Variants in RIGI observed in about 807,000 individuals in gnomAD.
RIGI encodes RNA sensor RIG-I.
chr9:32,466,032 C>T, the RIGI span, among the ~76,000 whole-genome samples: 11 of 152,232 alleles, frequency 7.2e-5, no homozygotes, highest in South Asian at 2.1e-3. Context: ...ATATAGTCCT[C>T]GAGATGAACT....
At chr9:32,493,523 C>CT in the RIGI span, among the ~76,000 whole-genome samples, 92,209 of 151,644 alleles carry the variant, frequency 0.61, 28,274 homozygotes, top group Middle Eastern at 0.68. Context: ...ACTCGAGAGG[C>CT]GAGGCAGGAG....
At chr9:32,516,994 CAA>C in the RIGI span, among the ~76,000 whole-genome samples, 1 of 152,188 alleles carries the variant, frequency 6.6e-6, no homozygotes, top group Non-Finnish European at 1.5e-5. Context: ...TAGAATTCAA[CAA>C]ACAAATATTC....
chr9:32,488,988 T>G, the RIGI span: 1 of 895,374 alleles, frequency 1.1e-6, no homozygotes, highest in Non-Finnish European at 1.6e-6. Context: ...CTGAGCTGAC[T>G]AATTAATTGA....
chr9:32,482,366 T>A, the RIGI span, among the ~76,000 whole-genome samples: 1 of 152,128 alleles, frequency 6.6e-6, no homozygotes, highest in East Asian at 1.9e-4. Flanking sequence ...AATTTACCCA[T>A]AGTCACACAG....
the RIGI span, chr9:32,494,028 T>G: frequency 9.6e-7 from 1 of 1,043,572 alleles, no homozygotes; most frequent in Non-Finnish European, 1.4e-6. Flanking sequence ...CATGTTTGAA[T>G]GTATGGTGGT....
the RIGI span, among the ~76,000 whole-genome samples, chr9:32,491,049 GC>G: frequency 6.6e-6 from 1 of 151,840 alleles, no homozygotes; most frequent in Non-Finnish European, 1.5e-5. Flanking sequence ...ATATAGACAC[GC>G]CCATACTTTC....
chr9:32,508,771 G>C, the RIGI span, among the ~76,000 whole-genome samples: 2 of 152,060 alleles, frequency 1.3e-5, no homozygotes, highest in Admixed American at 1.3e-4. Flanking sequence ...CTCCTGGAAA[G>C]GGGGCTGAAG....
the RIGI span, chr9:32,472,964 T>C: frequency 1.3e-6 from 2 of 1,593,976 alleles, no homozygotes; most frequent in African/African-American, 1.3e-5. Context: ...TAATTCACTA[T>C]ATATAAATAC....
chr9:32,466,208 A>G, the RIGI span: 2,982 of 1,411,638 alleles, frequency 2.1e-3, 6 homozygotes, highest in Non-Finnish European at 2.7e-3. Context: ...TCTAAGCAAT[A>G]TGATAAAAGA....
chr9:32,523,224 G>A, the RIGI span, among the ~76,000 whole-genome samples: 1 of 152,144 alleles, frequency 6.6e-6, no homozygotes, highest in Admixed American at 6.5e-5. Context: ...TTTATGTGCA[G>A]CCAGCAAAAG....
At chr9:32,486,441 G>A in the RIGI span, among the ~76,000 whole-genome samples, 964 of 136,140 alleles carry the variant, frequency 7.1e-3, 3 homozygotes, top group Middle Eastern at 0.059. Flanking sequence ...GCAACAGCAC[G>A]AGACTCTGTC....
At chr9:32,525,329 G>T in the RIGI span, among the ~76,000 whole-genome samples, 1 of 152,196 alleles carries the variant, frequency 6.6e-6, no homozygotes, top group East Asian at 1.9e-4. Context: ...AACAGCAACA[G>T]CATCGGGTGC....
chr9:32,506,208 A>G, the RIGI span, among the ~76,000 whole-genome samples: 1 of 152,156 alleles, frequency 6.6e-6, no homozygotes, highest in South Asian at 2.1e-4. Flanking sequence ...ACAGAGTGAG[A>G]CTCTGTCTCA....
the RIGI span, chr9:32,466,354 T>A: frequency 6.2e-7 from 1 of 1,614,052 alleles, no homozygotes; most frequent in Non-Finnish European, 8.5e-7. Context: ...CATCATTTTT[T>A]CTTTGTACAT....
chr9:32,500,855 A>C, the RIGI span: 1 of 1,614,144 alleles, frequency 6.2e-7, no homozygotes, highest in South Asian at 1.1e-5. Flanking sequence ...TTCCTCCTGG[A>C]GCTCCAACAG....
the RIGI span, chr9:32,485,133 A>G: frequency 1.4e-6 from 2 of 1,398,230 alleles, no homozygotes; most frequent in African/African-American, 1.5e-5. Context: ...ATAAATGGCT[A>G]TTCCCCAGTA....
At chr9:32,490,341 C>G in the RIGI span, among the ~76,000 whole-genome samples, 3 of 152,194 alleles carry the variant, frequency 2.0e-5, no homozygotes, top group African/African-American at 7.2e-5. Context: ...TGCACGCCAG[C>G]CTGAGCAACA....
the RIGI span, among the ~76,000 whole-genome samples, chr9:32,522,585 G>C: frequency 2.0e-5 from 3 of 152,122 alleles, no homozygotes; most frequent in Non-Finnish European, 4.4e-5. Context: ...TGTAACTGAG[G>C]CTTATTTTGC....
chr9:32,462,280 C>G, the RIGI span, among the ~76,000 whole-genome samples: 1 of 151,720 alleles, frequency 6.6e-6, no homozygotes, highest in South Asian at 2.1e-4. Flanking sequence ...ATTGTCACTG[C>G]GAATGGAAAT....
Sources: allele counts gnomAD v4.1 joint callset (sites outside exome capture counted in the v4.1 genomes callset), GRCh38; gene constraint gnomAD v4.1.1; transcripts MANE v1.5; gene names NCBI Gene and HGNC (gene_info 2026-07-23, HGNC 2026-07-21).